Variants in FANCC observed in about 807,000 individuals in gnomAD.
The protein encoded by FANCC is FA complementation group C.
A neutral mutation model predicts 71.3 loss-of-function variants in FANCC; 55 were observed. The observed-to-expected ratio is 0.77, with a 90% CI of 0.62 to 0.97. The LOEUF (loss-of-function observed/expected upper bound fraction) is 0.97, where lower values mean the gene tolerates loss of function less well. Among genes scored for constraint, FANCC ranks in the 50% least tolerant of loss-of-function variants. The pLI is 0.00. For missense variants in FANCC, 678 were observed against 670.9 expected, an observed-to-expected ratio of 1.01 and a Z score of -0.12; for synonymous variants, 275 against 244.9, an observed-to-expected ratio of 1.12 and a Z score of -1.15.
At position 95,299,461 on chromosome 9, in the gene FANCC, G is replaced by A. The variant is rs114657029; in HGVS notation, c.-79+18065C>T. ...CTGAAACCGTTATCCACATCTAACC[G>A]CCTTCTTGGAGCAAAACCTTGTTTT... On this transcript the variant is annotated intron_variant, in intron 1 of 14. Transcript: ENST00000289081. Among the ~76,000 whole-genome samples the A allele has an allele frequency of 3.7e-3, 568 of 152,256 alleles. 4 individuals carry two copies. The highest frequency in any genetic ancestry group is 0.012 in the African/African-American group (482 of 41,550).
intron 4 of FANCC, among the ~76,000 whole-genome samples, chr9:95,191,484 A>C (rs1391708993): frequency 6.6e-6 from 1 of 151,400 alleles, no homozygotes; most frequent in Non-Finnish European, 1.5e-5. Context: ...GGGCTACCAC[A>C]CCTGGCCAGC....
chr9:95,308,428 C>A (rs1449143521), intron 1 of FANCC, among the ~76,000 whole-genome samples: 2 of 145,326 alleles, frequency 1.4e-5, no homozygotes, highest in African/African-American at 2.6e-5. Context: ...GGATTACAGG[C>A]ACATGTCACC....
intron 7 of FANCC, among the ~76,000 whole-genome samples, chr9:95,145,754 ACAAGGGAAC>A (rs1829449054): frequency 6.6e-6 from 1 of 152,206 alleles, no homozygotes; most frequent in Non-Finnish European, 1.5e-5. Context: ...TGAGAATGTG[ACAAGGGAAC>A]CACCTAAGCC....
At chr9:95,131,376 T>C (rs1826889500) in intron 8 of FANCC, among the ~76,000 whole-genome samples, 1 of 152,232 alleles carries the variant, frequency 6.6e-6, no homozygotes, top group Admixed American at 6.5e-5. Flanking sequence ...TGAGTGGCAA[T>C]GACCCCTACG....
At chr9:95,301,764 A>C (rs1285641705) in intron 1 of FANCC, among the ~76,000 whole-genome samples, 1 of 152,060 alleles carries the variant, frequency 6.6e-6, no homozygotes. Flanking sequence ...TGAAATAAAA[A>C]TAACAACAGT....
At chr9:95,260,860 G>GT (rs1387341479) in intron 1 of FANCC, among the ~76,000 whole-genome samples, 1 of 152,110 alleles carries the variant, frequency 6.6e-6, no homozygotes, top group Non-Finnish European at 1.5e-5. Context: ...CTGTTTGTTT[G>GT]TTTTTTTAAC....
intron 1 of FANCC, among the ~76,000 whole-genome samples, chr9:95,314,376 G>A (rs574527139): frequency 6.6e-6 from 1 of 152,192 alleles, no homozygotes; most frequent in South Asian, 2.1e-4. Context: ...GCTTTCGGCC[G>A]GGCGCAGTGA....
In FANCC at chr9:95,241,669, C is replaced by CT. The variant is rs563100046; in HGVS notation, c.251-927dup. On this transcript the variant is annotated intron_variant, in intron 3 of 14. Coordinates refer to ENST00000289081, the MANE Select transcript of FANCC (RefSeq NM_000136.3). Reference sequence around the variant, plus strand: ...GCAATCTAATAAACCCAATCTTTCTCTTTTTTTTGAGACAGGGTCTCGCTC... The same window carrying CT: ...GCAATCTAATAAACCCAATCTTTCTCTTTTTTTTTGAGACAGGGTCTCGCTC... Among the ~76,000 whole-genome samples the CT allele has an allele frequency of 4.6e-5, 7 of 151,956 alleles. No homozygotes were observed. The South Asian group carries it at 1.0e-3, about 23-fold the overall frequency.
chr9:95,284,123 T>C (rs950862902), intron 1 of FANCC, among the ~76,000 whole-genome samples: 23 of 152,232 alleles, frequency 1.5e-4, no homozygotes, highest in Non-Finnish European at 2.2e-4. Context: ...AAGAGTCCTC[T>C]ACTAGCTAGA....
At chr9:95,286,167 T>TG (rs1174581179) in intron 1 of FANCC, among the ~76,000 whole-genome samples, 3 of 152,246 alleles carry the variant, frequency 2.0e-5, no homozygotes, top group Admixed American at 2.0e-4. Flanking sequence ...ACCACAATGT[T>TG]AACAACAGTT....
chr9:95,212,721 G>A (rs1184952898), intron 4 of FANCC, among the ~76,000 whole-genome samples: 3 of 152,156 alleles, frequency 2.0e-5, no homozygotes, highest in Non-Finnish European at 4.4e-5. Flanking sequence ...ACTTGTCAAT[G>A]TTCTTAAAAC....
intron 4 of FANCC, among the ~76,000 whole-genome samples, chr9:95,200,658 G>GGTT (rs1661980808): frequency 6.6e-6 from 1 of 152,154 alleles, no homozygotes; most frequent in Non-Finnish European, 1.5e-5. Context: ...GGTATCATGA[G>GGTT]GTTGTTGTGA....
intron 1 of FANCC, among the ~76,000 whole-genome samples, chr9:95,296,477 T>C (rs4647382): frequency 0.38 from 57,730 of 151,712 alleles, 11,658 homozygotes; most frequent in East Asian, 0.59. Flanking sequence ...TATGTTCCCA[T>C]ACCAAATCCA....
chr9:95,247,613 T>C (rs538178094), intron 2 of FANCC, 97 bp from the exon 3 acceptor site: 3 of 790,264 alleles, frequency 3.8e-6, no homozygotes, highest in Non-Finnish European at 6.7e-6. Flanking sequence ...ATGCTTCTTG[T>C]TTAGTATACC....
intron 7 of FANCC, among the ~76,000 whole-genome samples, chr9:95,144,993 TA>T (rs1392139038): frequency 5.9e-5 from 9 of 152,344 alleles, no homozygotes; most frequent in African/African-American, 1.9e-4. Context: ...AAGGCCATTT[TA>T]TTTTTTTAGC....
At chr9:95,229,385 G>C (rs1829846084) in intron 4 of FANCC, among the ~76,000 whole-genome samples, 1 of 152,028 alleles carries the variant, frequency 6.6e-6, no homozygotes, top group Non-Finnish European at 1.5e-5. Context: ...GAGGGCAACA[G>C]TGGCGTGGAT....
chr9:95,193,344 T>C (rs1408348680), intron 4 of FANCC, among the ~76,000 whole-genome samples: 1 of 152,058 alleles, frequency 6.6e-6, no homozygotes, highest in African/African-American at 2.4e-5. Context: ...AGACTCTAGC[T>C]AGGCCATGGC....
chr9:95,228,746 C>T (rs1764128172), intron 4 of FANCC, among the ~76,000 whole-genome samples: 1 of 152,054 alleles, frequency 6.6e-6, no homozygotes, highest in African/African-American at 2.4e-5. Context: ...CCAAATGGTA[C>T]CCAGAGGAGC....
rs551170090 is a variant in FANCC at position 95,317,519 on chromosome 9, C to T, written c.-79+7G>A. 6.6e-6 allele frequency: 1 copy of T among 152,322 alleles called. No homozygotes were observed. Among genetic ancestry groups the T allele is most frequent in the African/African-American group, 2.4e-5 (1 of 41,470 alleles). 9.4% of individuals were successfully genotyped at this position (152,322 alleles called of 1,614,324 possible). On this transcript the variant is annotated splice_region_variant and intron_variant, in intron 1 of 14. Coordinates refer to ENST00000289081, the MANE Select transcript of FANCC (RefSeq NM_000136.3). ...GCCCTCGCTGCGTTCTGCGGCCTGC[C>T]GCTTACCGGGTGGTCCTCGCGGGAG...
Sources: allele counts gnomAD v4.1 joint callset (sites outside exome capture counted in the v4.1 genomes callset), GRCh38; gene constraint gnomAD v4.1.1; transcripts MANE v1.5; gene names NCBI Gene and HGNC (gene_info 2026-07-23, HGNC 2026-07-21).